The following CNTN5 variants were observed in gnomAD, a reference collection of about 807,000 sequenced individuals.
CNTN5 encodes the protein contactin 5, also known as contactin-5.
Under a neutral mutation model 129.1 loss-of-function variants are expected in CNTN5, and 77 were observed. The ratio of observed to expected loss-of-function variants is 0.60; its 90% confidence interval spans 0.50 to 0.72. The LOEUF (loss-of-function observed/expected upper bound fraction) is 0.72, where lower values mean the gene tolerates loss of function less well. Ranked by LOEUF, CNTN5 falls within the 30% of genes least tolerant of loss-of-function variation. The pLI is 0.00. For synonymous variants in CNTN5, 509 were observed against 465.6 expected (o/e 1.09, Z -1.20); for missense variants, 1,478 against 1,328.8 (o/e 1.11, Z -1.75).
intron 7 of CNTN5, among the ~76,000 whole-genome samples, chr11:99,930,511 C>T (rs2136073161): frequency 6.6e-6 from 1 of 152,264 alleles, no homozygotes; most frequent in African/African-American, 2.4e-5. Context: ...TGACAATTGC[C>T]TGACAGTCAC....
At chr11:99,459,783 A>G (rs1944625955) in intron 2 of CNTN5, among the ~76,000 whole-genome samples, 1 of 152,062 alleles carries the variant, frequency 6.6e-6, no homozygotes, top group Non-Finnish European at 1.5e-5. Flanking sequence ...AATGTGTCTT[A>G]TGAGAGAAAT....
At chr11:99,261,633 T>C (rs887485595) in intron 1 of CNTN5, among the ~76,000 whole-genome samples, 1 of 152,056 alleles carries the variant, frequency 6.6e-6, no homozygotes, top group Admixed American at 6.6e-5. Flanking sequence ...TCCCTTGGGG[T>C]TGAGCAGTGA....
chr11:100,174,945 GAAGA>G (rs1555030023), intron 13 of CNTN5, among the ~76,000 whole-genome samples: 5 of 152,106 alleles, frequency 3.3e-5, no homozygotes, highest in Non-Finnish European at 1.5e-5. Context: ...ACTTTATCTA[GAAGA>G]AAGACCATGG....
At chr11:99,741,456 G>T (rs969920529) in intron 3 of CNTN5, among the ~76,000 whole-genome samples, 8 of 152,108 alleles carry the variant, frequency 5.3e-5, no homozygotes, top group Admixed American at 3.9e-4. Context: ...TGAATTTACA[G>T]GAAAGGGATA....
At chr11:99,089,547 A>G (rs532370595) in intron 1 of CNTN5, among the ~76,000 whole-genome samples, 64 of 152,294 alleles carry the variant, frequency 4.2e-4, no homozygotes, top group African/African-American at 1.5e-3. Flanking sequence ...CCCAGACACC[A>G]GGGATCCAGA....
chr11:99,862,201 T>C (rs984926050), intron 6 of CNTN5, among the ~76,000 whole-genome samples: 1 of 152,180 alleles, frequency 6.6e-6, no homozygotes, highest in African/African-American at 2.4e-5. Context: ...CTTCCTTTCA[T>C]GTTGCTAAAT....
intron 1 of CNTN5, among the ~76,000 whole-genome samples, chr11:99,312,567 T>G (rs907325065): frequency 6.6e-6 from 1 of 152,154 alleles, no homozygotes; most frequent in Non-Finnish European, 1.5e-5. Flanking sequence ...AGTCAGACAG[T>G]TAAGAAAATT....
chr11:99,395,229 C>A (rs575359484), intron 2 of CNTN5, among the ~76,000 whole-genome samples: 2 of 152,026 alleles, frequency 1.3e-5, no homozygotes, highest in African/African-American at 4.8e-5. Context: ...TAACAATAGC[C>A]ATTCCGACTG....
chr11:99,981,077 G>GATATAT (rs372749441), intron 8 of CNTN5, among the ~76,000 whole-genome samples: 1,073 of 57,410 alleles, frequency 0.019, 31 homozygotes, highest in South Asian at 0.05. Flanking sequence ...GAGCCAATAG[G>GATATAT]ATATATATAT....
chr11:100,115,115 TAAA>T (rs11388029), intron 13 of CNTN5, among the ~76,000 whole-genome samples: 4 of 78,388 alleles, frequency 5.1e-5, no homozygotes, highest in East Asian at 8.6e-4. Context: ...AGGTATACAG[TAAA>T]AAAAAAAAAA....
chr11:99,732,196 A>G (rs1943557506), intron 3 of CNTN5, among the ~76,000 whole-genome samples: 1 of 152,092 alleles, frequency 6.6e-6, no homozygotes, highest in African/African-American at 2.4e-5. Flanking sequence ...CAAGGAAAGA[A>G]AGGAGATAGT....
In CNTN5 at chr11:99,690,777, C is replaced by T. The variant is rs1039355908; in HGVS notation, c.56-128767C>T. ...TTAGGATGATGATGGCCTCATAGAA[C>T]GAGTTAGGGAGGATTCCTTCCTTCT... is the stretch of plus-strand genomic sequence containing the variant. On this transcript the variant is annotated intron_variant, in intron 3 of 24. Transcript: ENST00000524871. Among the ~76,000 whole-genome samples the T allele has an allele frequency of 5.3e-5, 8 of 151,960 alleles. No homozygotes were observed. In the East Asian group the frequency reaches 5.8e-4, roughly 11 times the overall value.
intron 15 of CNTN5, among the ~76,000 whole-genome samples, chr11:100,199,050 T>C (rs1565336456): frequency 6.6e-6 from 1 of 151,926 alleles, no homozygotes; most frequent in African/African-American, 2.4e-5. Context: ...TAAATATTAA[T>C]TGTGTAAAAA....
intron 8 of CNTN5, among the ~76,000 whole-genome samples, chr11:100,001,192 C>G (rs1288012103): frequency 6.6e-6 from 1 of 152,018 alleles, no homozygotes; most frequent in Non-Finnish European, 1.5e-5. Flanking sequence ...ACTCAGAAAA[C>G]TTACAATTAT....
At chr11:99,312,813 A>ATT (rs5793983) in intron 1 of CNTN5, among the ~76,000 whole-genome samples, 13,457 of 148,630 alleles carry the variant, frequency 0.091, 659 homozygotes, top group Middle Eastern at 0.12. Context: ...AAATTAAGTG[A>ATT]TTTTTTTTTT....
chr11:99,846,357 CAAA>C (rs35705639), intron 6 of CNTN5, among the ~76,000 whole-genome samples: 6 of 61,398 alleles, frequency 9.8e-5, no homozygotes, highest in African/African-American at 3.9e-4. Context: ...GGATCTGTCT[CAAA>C]AAAAAAAAAA....
At chr11:99,115,587 C>T (rs545245566) in intron 1 of CNTN5, among the ~76,000 whole-genome samples, 143 of 152,126 alleles carry the variant, frequency 9.4e-4, no homozygotes, top group Non-Finnish European at 1.8e-3. Context: ...TGGCAAAACC[C>T]CATCTCTACT....
chr11:99,894,931 A>T (rs1368694539), intron 6 of CNTN5, among the ~76,000 whole-genome samples: 1 of 152,224 alleles, frequency 6.6e-6, no homozygotes, highest in East Asian at 1.9e-4. Context: ...CATCAGTGCT[A>T]CTGCCCAAAG....
chr11:99,225,958 T>C (rs1330955536), intron 1 of CNTN5, among the ~76,000 whole-genome samples: 1 of 152,122 alleles, frequency 6.6e-6, no homozygotes, highest in African/African-American at 2.4e-5. Context: ...AATGAGGAAG[T>C]ATCAAAAAAG....
Sources: gnomAD v4.1 joint callset for allele counts (sites outside exome capture counted in the v4.1 genomes callset) on GRCh38, gnomAD v4.1.1 for gene constraint, MANE v1.5 for transcripts, NCBI Gene and HGNC (gene_info 2026-07-23, HGNC 2026-07-21) for gene names.